GLOD4: variants seen among roughly 807,000 people sequenced by gnomAD.
GLOD4 encodes the protein glyoxalase domain containing 4, also known as glyoxalase domain-containing protein 4.
A neutral mutation model predicts 39.1 loss-of-function variants in GLOD4; 44 were observed. That is an observed-to-expected ratio of 1.13 (90% CI 0.88 to 1.45). The LOEUF is 1.45. GLOD4 is among the 40% of genes most tolerant of loss of function. The probability of loss-of-function intolerance (pLI) is 0.00; values close to 1 mark genes in which losing one functional copy is unlikely to be tolerated. For missense variants in GLOD4, 405 were observed against 366.4 expected (o/e 1.11, Z -0.86); for synonymous variants, 145 against 135.0 (o/e 1.07, Z -0.52).
In GLOD4 at chr17:782,174, C is replaced by T. The variant is rs1242349264; in HGVS notation, c.82G>A (p.Gly28Arg). 11 of 1,604,674 alleles carry T rather than the reference C, an allele frequency of 6.9e-6. No homozygotes were observed. The highest frequency in any genetic ancestry group is 9.4e-6 in the Non-Finnish European group (11 of 1,173,718). Residue 28 changes from glycine to arginine, a missense_variant, in exon 1 of 9, where the codon GGG becomes AGG. Gly to Arg is a moderately radical substitution (Grantham distance 125, BLOSUM62 -2). Coordinates refer to ENST00000301329, the MANE Select transcript of GLOD4 (RefSeq NM_016080.4). Reference protein sequence around the residue: ...QTARFYRDVLGMKVLRHEEFE... With the variant: ...QTARFYRDVLRMKVLRHEEFE... ...TCGGCCCCGGCCTGCACCTTCATCC[C>T]CAGGACGTCCCGATAGAAACGCGCC...
intron 4 of GLOD4, among the ~76,000 whole-genome samples, chr17:774,077 C>T (rs1331919252): frequency 1.3e-5 from 2 of 152,134 alleles, no homozygotes; most frequent in Admixed American, 6.6e-5. Flanking sequence ...TAGCTGCAAG[C>T]GTTAAGTTTT....
At chr17:774,567 G>A (rs766670032) in intron 4 of GLOD4, among the ~76,000 whole-genome samples, 17 of 152,204 alleles carry the variant, frequency 1.1e-4, no homozygotes, top group Non-Finnish European at 1.9e-4. Flanking sequence ...CAGTCAGCGT[G>A]GGGGCTCCTC....
chr17:775,778 A>G lies in GLOD4; in HGVS notation c.403T>C (p.Ser135Pro). ...FYLQNRSLPQ[S>P]DPVLKVTLAV... is the part of the protein sequence containing the mutation. ...TTACTGGTTCTGGTATAATTACCTG[A>G]CTGAGGCAGACTGCGATTCTGCAAA... Residue 135 changes from serine to proline, a missense_variant, in exon 4 of 9, where the codon TCA becomes CCA. Coordinates refer to ENST00000301329, the MANE Select transcript of GLOD4 (RefSeq NM_016080.4). 1.4e-5 allele frequency: 22 copies of G among 1,613,624 alleles called. No individual in the cohort carries two copies. The highest frequency in any genetic ancestry group is 1.8e-5 in the Non-Finnish European group (21 of 1,179,546).
At chr17:779,829 C>T (rs978203642) in intron 1 of GLOD4, among the ~76,000 whole-genome samples, 2 of 152,124 alleles carry the variant, frequency 1.3e-5, no homozygotes, top group African/African-American at 4.8e-5. Context: ...CCCACGGCTC[C>T]TGCCAGTTGA....
At chr17:783,306 G>A (rs573221759), upstream of GLOD4, 1 of 1,612,798 alleles carries the variant, frequency 6.2e-7, no homozygotes, top group Non-Finnish European at 8.5e-7. Flanking sequence ...GTCCGACCTC[G>A]TAACGCCACA....
chr17:765,000 C>G (rs1906258594), intron 8 of GLOD4: 1 of 150,858 alleles, frequency 6.6e-6, no homozygotes, highest in African/African-American at 2.4e-5. Flanking sequence ...GAGCGAGACT[C>G]CGTCTCAAAA....
intron 8 of GLOD4, among the ~76,000 whole-genome samples, chr17:769,313 A>AG (rs1907460334): frequency 1.1e-5 from 1 of 94,604 alleles, no homozygotes; most frequent in Non-Finnish European, 2.2e-5. Flanking sequence ...TCTCCATGGC[A>AG]AGAGCTGAGG....
At chr17:766,952 T>G (rs569003181) in intron 8 of GLOD4, among the ~76,000 whole-genome samples, 10 of 152,318 alleles carry the variant, frequency 6.6e-5, no homozygotes, top group Middle Eastern at 3.4e-3. Flanking sequence ...GGAGGAAGAG[T>G]CTGGCAAATT....
intron 8 of GLOD4, chr17:763,942 A>C (rs1905999058): frequency 6.6e-6 from 1 of 152,228 alleles, no homozygotes. Flanking sequence ...TTGAATTTGC[A>C]AGTGACGAAG....
intron 4 of GLOD4, among the ~76,000 whole-genome samples, chr17:772,638 A>C (rs1908170090): frequency 6.6e-6 from 1 of 152,202 alleles, no homozygotes; most frequent in African/African-American, 2.4e-5. Flanking sequence ...TGCTAGAAAA[A>C]TAGGCAAAAG....
At chr17:760,984 T>G (rs765420294) in intron 8 of GLOD4, among the ~76,000 whole-genome samples, 5 of 152,200 alleles carry the variant, frequency 3.3e-5, no homozygotes, top group Non-Finnish European at 5.9e-5. Flanking sequence ...CAATAATGTT[T>G]TGGTTCCACA....
At position 770,488 on chromosome 17, in the gene GLOD4, C is replaced by A; in HGVS notation, c.563G>T (p.Gly188Val). The change falls in exon 6 of 9, where the codon GGC becomes GTC. Residue 188 changes from glycine to valine, a missense_variant. Transcript: ENST00000301329. ...TGCATGGTCCACCCCACCCTTGACG[C>A]CCTGTAGCTCCAGCTTACACTGAAA... Reference protein sequence around the residue: ...ADNQCKLELQGVKGGVDHAAA... With the variant: ...ADNQCKLELQVVKGGVDHAAA... 6.4e-7 allele frequency: 1 copy of A among 1,566,906 alleles called. No individual in the cohort carries two copies. Among genetic ancestry groups the A allele is most frequent in the South Asian group, 1.1e-5 (1 of 90,190 alleles).
rs1233167394 is a variant in GLOD4 at position 776,945 on chromosome 17, G to C, written c.184C>G (p.Pro62Ala). The change falls in exon 3 of 9, where the codon CCT becomes GCT. Residue 62 changes from proline to alanine, a missense_variant. By Grantham distance (27) the Pro-to-Ala change is conservative. Transcript: ENST00000301329. ...TCTGCGACAAAATGATCATCCTCAG[G>C]CCCAAATCCCACCATTGTTTTACTC... ...KWSKTMVGFG[P>A]EDDHFVAELT... is the part of the protein sequence containing the mutation. 6.2e-7 allele frequency: 1 copy of C among 1,604,714 alleles called. No individual in the cohort carries two copies. The highest frequency in any genetic ancestry group is 1.3e-5 in the African/African-American group (1 of 74,676).
chr17:773,704 C>T (rs1358629704), intron 4 of GLOD4, among the ~76,000 whole-genome samples: 1 of 152,218 alleles, frequency 6.6e-6, no homozygotes, highest in Non-Finnish European at 1.5e-5. Flanking sequence ...GGCTTTACTG[C>T]CTTAGTCCTG....
chr17:775,764 G>T lies in GLOD4; in HGVS notation c.406+11C>A. 1 of 1,610,068 alleles carries T rather than the reference G, an allele frequency of 6.2e-7. No individual in the cohort carries two copies. The highest frequency in any genetic ancestry group is 1.1e-5 in the South Asian group (1 of 90,960). On this transcript the variant is annotated intron_variant, in intron 4 of 8. Coordinates refer to ENST00000301329, the MANE Select transcript of GLOD4 (RefSeq NM_016080.4). The stretch of plus-strand genomic sequence containing the variant: ...TTAGACAGAGGCTTTTACTGGTTCT[G>T]GTATAATTACCTGACTGAGGCAGAC...
chr17:762,652 C>T lies in GLOD4; in HGVS notation c.832-2414G>A, dbSNP rs118156557. Among the ~76,000 whole-genome samples the T allele has an allele frequency of 1.4e-4, 20 of 147,368 alleles. 1 individual carries two copies. In the East Asian group the frequency reaches 3.9e-3, roughly 29 times the overall value. On this transcript the variant is annotated intron_variant, in intron 8 of 8. Coordinates refer to ENST00000301329, the MANE Select transcript of GLOD4 (RefSeq NM_016080.4). ...TGCCTGCACCTACTCAGTGTGTGAT[C>T]TTCAGGGATGAAGGGGAATAATTTC...
intron 8 of GLOD4, among the ~76,000 whole-genome samples, chr17:765,999 G>T (rs1189687652): frequency 6.6e-6 from 1 of 151,680 alleles, no homozygotes; most frequent in African/African-American, 2.4e-5. Context: ...CAGAGGAGAA[G>T]AGAGCTCAGG....
At chr17:778,387 C>T (rs544740904) in intron 2 of GLOD4, 20 of 454,246 alleles carry the variant, frequency 4.4e-5, no homozygotes, top group East Asian at 2.3e-4. Context: ...ACAGGACAGC[C>T]GGCTGGTGTT....
chr17:770,865 C>A, intron 5 of GLOD4: 1 of 218,558 alleles, frequency 4.6e-6, no homozygotes. Flanking sequence ...TGTCTCTAAT[C>A]TATAGGACAC....
Sources: gnomAD v4.1 joint callset for allele counts (sites outside exome capture counted in the v4.1 genomes callset) on GRCh38, gnomAD v4.1.1 for gene constraint, MANE v1.5 for transcripts, NCBI Gene and HGNC (gene_info 2026-07-23, HGNC 2026-07-21) for gene names.